Variants in TRPM1 observed in about 807,000 individuals in gnomAD.
TRPM1 encodes transient receptor potential cation channel subfamily M member 1.
TRPM1 carries 113 observed loss-of-function variants against 149.4 expected under a neutral mutation model. That is an observed-to-expected ratio of 0.76 (90% CI 0.65 to 0.88). The LOEUF (loss-of-function observed/expected upper bound fraction) is 0.88. Ranked by LOEUF, TRPM1 falls within the 40% of genes least tolerant of loss-of-function variation. TRPM1 has a pLI of 0.00. For synonymous variants in TRPM1, 741 were observed against 759.5 expected (o/e 0.98, Z 0.40); for missense variants, 1,976 against 2,038.7 (o/e 0.97, Z 0.59).
At chr15:31,089,095 AATC>A (rs953600764) in intron 1 of TRPM1, among the ~76,000 whole-genome samples, 3 of 152,108 alleles carry the variant, frequency 2.0e-5, no homozygotes, top group African/African-American at 4.8e-5. Context: ...AAAAAACAAA[AATC>A]AATACAGAAA....
At chr15:31,060,699 T>C in intron 10 of TRPM1, 55 bp from the exon 11 acceptor site, 1 of 1,462,926 alleles carries the variant, frequency 6.8e-7, no homozygotes, top group Non-Finnish European at 9.5e-7. Flanking sequence ...ACCGCCAGGG[T>C]TTGGCAGGTG....
intron 1 of TRPM1, among the ~76,000 whole-genome samples, chr15:31,147,640 G>A (rs1042215070): frequency 1.3e-5 from 2 of 152,202 alleles, no homozygotes; most frequent in South Asian, 2.1e-4. Flanking sequence ...GTCCCCAGGC[G>A]GGGAATCGAG....
chr15:31,088,548 C>T lies in TRPM1; in HGVS notation c.-83-7110G>A, dbSNP rs572467409. On this transcript the variant is annotated intron_variant, in intron 1 of 27. Transcript: ENST00000256552. ...CCACCTTTAAGAGCTGTAACACTTG[C>T]TGCAAAAGTCTGCGGCTTCACTGCT... Among the ~76,000 whole-genome samples, 29 of 152,316 alleles carry T rather than the reference C, an allele frequency of 1.9e-4. 1 individual carries two copies. In the South Asian group the frequency reaches 5.2e-3, roughly 27 times the overall value.
intron 9 of TRPM1, 25 bp from the exon 10 acceptor site, chr15:31,061,539 A>G (rs1370398434): frequency 6.2e-7 from 1 of 1,610,518 alleles, no homozygotes; most frequent in South Asian, 1.1e-5. Flanking sequence ...AGACTGAATT[A>G]AAGCCAAGTT....
rs1320485225 is a variant in TRPM1, at chr15:31,115,884, T to G, written c.55-38900A>C. Among the ~76,000 whole-genome samples, 5 of 151,904 alleles carry G rather than the reference T, an allele frequency of 3.3e-5. No homozygotes were observed. The East Asian group carries it at 9.7e-4, about 29-fold the overall frequency. Reference sequence around the variant, plus strand: ...GAGGCTGGGAAGTCCAAAATCAAAGTGTAGGCAGATTTGGGGCCTGGTAAG... The same window carrying G: ...GAGGCTGGGAAGTCCAAAATCAAAGGGTAGGCAGATTTGGGGCCTGGTAAG... On this transcript the variant is annotated intron_variant, in intron 1 of 26. Coordinates refer to the TRPM1 transcript ENST00000542188.
chr15:31,124,599 A>C (rs1258388078), intron 1 of TRPM1, among the ~76,000 whole-genome samples: 1 of 147,306 alleles, frequency 6.8e-6, no homozygotes, highest in African/African-American at 2.5e-5. Context: ...GGTTGCAGTG[A>C]CCCAAGATCG....
intron 11 of TRPM1, among the ~76,000 whole-genome samples, chr15:31,056,451 G>A (rs1472255021): frequency 6.6e-6 from 1 of 152,208 alleles, no homozygotes; most frequent in Non-Finnish European, 1.5e-5. Context: ...AAAAAGCAAA[G>A]AGCAGAGAGA....
chr15:31,095,556 G>C (rs957223619), intron 1 of TRPM1, among the ~76,000 whole-genome samples: 1 of 151,120 alleles, frequency 6.6e-6, no homozygotes, highest in African/African-American at 2.4e-5. Context: ...ATGGTGACAG[G>C]CGCCTGTAAT....
intron 18 of TRPM1, among the ~76,000 whole-genome samples, chr15:31,039,823 ACT>A (rs1366529764): frequency 6.6e-6 from 1 of 151,910 alleles, no homozygotes; most frequent in African/African-American, 2.4e-5. Context: ...CCATTAGGAG[ACT>A]CTGACTGTGG....
At chr15:31,149,709 CGG>C (rs1197423065) in intron 1 of TRPM1, among the ~76,000 whole-genome samples, 1 of 152,020 alleles carries the variant, frequency 6.6e-6, no homozygotes, top group Non-Finnish European at 1.5e-5. Context: ...TTAGTAGAGA[CGG>C]GGTTTCACCG....
At chr15:31,021,629 G>A (rs1463969895) in intron 27 of TRPM1, among the ~76,000 whole-genome samples, 2 of 151,584 alleles carry the variant, frequency 1.3e-5, no homozygotes, top group Non-Finnish European at 2.9e-5. Flanking sequence ...CCAGGAACTG[G>A]AGGCTGTAGT....
intron 1 of TRPM1, among the ~76,000 whole-genome samples, chr15:31,133,450 CT>C (rs2036047863): frequency 6.6e-6 from 1 of 152,008 alleles, no homozygotes; most frequent in African/African-American, 2.4e-5. Flanking sequence ...GTAGTCAACA[CT>C]TTGGGAGGGT....
chr15:31,137,983 C>T (rs1484757532), intron 1 of TRPM1, among the ~76,000 whole-genome samples: 1 of 152,116 alleles, frequency 6.6e-6, no homozygotes, highest in Non-Finnish European at 1.5e-5. Context: ...TACCAACTAA[C>T]CCGCATGTGT....
chr15:31,104,416 C>G (rs1321651387), upstream of TRPM1, among the ~76,000 whole-genome samples: 1 of 152,024 alleles, frequency 6.6e-6, no homozygotes, highest in Non-Finnish European at 1.5e-5. Context: ...ACTTCCTGAC[C>G]AATAGTTAGT....
At chr15:31,134,145 G>C (rs1278217027) in intron 1 of TRPM1, among the ~76,000 whole-genome samples, 1 of 152,214 alleles carries the variant, frequency 6.6e-6, no homozygotes, top group Non-Finnish European at 1.5e-5. Context: ...GTTGGGCTGG[G>C]CTTAGCCAAG....
intron 27 of TRPM1, 147 bp from the exon 28 acceptor site, chr15:31,003,217 C>G: frequency 2.8e-6 from 2 of 716,106 alleles, no homozygotes; most frequent in Non-Finnish European, 4.4e-6. Context: ...AATCCCCTAA[C>G]ATGACTACTC....
intron 7 of TRPM1, chr15:31,065,035 C>G (rs140017415): frequency 3.7e-6 from 2 of 534,392 alleles, no homozygotes; most frequent in Admixed American, 1.9e-5. Flanking sequence ...CTCGAAGCTC[C>G]GTGCTGTGGG....
chr15:31,060,000 A>G (rs2034181728), intron 11 of TRPM1, among the ~76,000 whole-genome samples: 2 of 151,824 alleles, frequency 1.3e-5, no homozygotes, highest in African/African-American at 4.8e-5. Flanking sequence ...ATACCCTCCC[A>G]ATGACACCCA....
At chr15:31,045,705 T>A (rs2033743768) in intron 16 of TRPM1, among the ~76,000 whole-genome samples, 1 of 152,218 alleles carries the variant, frequency 6.6e-6, no homozygotes, top group Non-Finnish European at 1.5e-5. Context: ...TATTTTATCA[T>A]TCTATTTTGA....
Sources: gnomAD v4.1 joint callset for allele counts (sites outside exome capture counted in the v4.1 genomes callset) on GRCh38, gnomAD v4.1.1 for gene constraint, MANE v1.5 for transcripts, NCBI Gene and HGNC (gene_info 2026-07-23, HGNC 2026-07-21) for gene names.